Variants in HSPG2 observed in about 807,000 individuals in gnomAD.
The protein encoded by HSPG2 is basement membrane-specific heparan sulfate proteoglycan core protein.
A neutral mutation model predicts 526.6 loss-of-function variants in HSPG2; 278 were observed. That is an observed-to-expected ratio of 0.53 (90% CI 0.48 to 0.58). The LOEUF (loss-of-function observed/expected upper bound fraction) is 0.58. Among genes scored for constraint, HSPG2 ranks in the 20% least tolerant of loss-of-function variants. HSPG2 has a pLI of 0.00. For missense variants in HSPG2, 5,354 were observed against 6,099.5 expected (o/e 0.88, Z 4.07); for synonymous variants, 2,465 against 2,555.4 (o/e 0.96, Z 1.07).
At chr1:21,857,651 T>A in intron 42 of HSPG2, among the ~76,000 whole-genome samples, 1 of 152,038 alleles carries the variant, frequency 6.6e-6, no homozygotes, top group East Asian at 1.9e-4. Flanking sequence ...CAGACCACAA[T>A]GAGCTCCTGA....
In HSPG2 at chr1:21,854,935, T is replaced by C. The variant is rs749489222; in HGVS notation, c.6046A>G (p.Thr2016Ala). Residue 2016 changes from threonine (T) to alanine (A), a missense_variant, in exon 48 of 97, where the codon ACG (threonine) becomes GCG (alanine). Physicochemically the swap from Thr to Ala is moderately conservative, Grantham distance 58. Transcript: ENST00000374695. ...DIATLLIPAI[T>A]TADAGFYLCV... is the part of the protein sequence containing the mutation. ...AGGTAGAAGCCGGCGTCAGCAGTCG[T>C]GATGGCTGGGATGAGCAGTGTCGCG... is the stretch of plus-strand genomic sequence containing the variant. 6.2e-7 allele frequency: 1 copy of C among 1,613,976 alleles called. No homozygotes were observed. The highest frequency in any genetic ancestry group is 1.1e-5 in the South Asian group (1 of 91,082).
At chr1:21,889,927 A>AAGGGGACCCCACGAGTCTGGAGG (rs1342972417) in intron 6 of HSPG2, 54 bp downstream of exon 6, 1 of 1,602,098 alleles carries the variant, frequency 6.2e-7, no homozygotes, top group Non-Finnish European at 8.6e-7. Context: ...GAGACACTGA[A>AAGGGGACCCCACGAGTCTGGAGG]AGGGGACCCC....
intron 3 of HSPG2, among the ~76,000 whole-genome samples, chr1:21,892,346 C>T (rs1273339671): frequency 1.3e-5 from 2 of 152,268 alleles, no homozygotes; most frequent in Non-Finnish European, 2.9e-5. Context: ...CGGCCCAGCG[C>T]GGGCGAGGAG....
chr1:21,874,158 T>C, intron 28 of HSPG2, 147 bp from the exon 29 acceptor site: 1 of 843,298 alleles, frequency 1.2e-6, no homozygotes, highest in Non-Finnish European at 1.9e-6. Context: ...GGCACTGTGC[T>C]AAGAGTTCCA....
At chr1:21,844,368 C>T (rs1638255267) in intron 64 of HSPG2, 69 bp from the exon 65 acceptor site, 3 of 1,523,698 alleles carry the variant, frequency 2.0e-6, no homozygotes, top group South Asian at 1.2e-5. Flanking sequence ...CCCCTGGGGC[C>T]CAGATACTAG....
rs573337895 is a variant in HSPG2, at chr1:21,888,085, C to T, written c.575-19G>A. On this transcript the variant is annotated intron_variant, in intron 6 of 96. Coordinates refer to ENST00000374695, the MANE Select transcript of HSPG2 (RefSeq NM_005529.7). The stretch of plus-strand genomic sequence containing the variant: ...TGGGGCACTGCAGGTGGAAAGGAAG[C>T]AGACTGGAGTCAGAGGCGGCAGGAG... 8.1e-6 allele frequency: 13 copies of T among 1,613,750 alleles called. No individual in the cohort carries two copies. Among genetic ancestry groups the T allele is most frequent in the Non-Finnish European group, 1.0e-5 (12 of 1,180,014 alleles).
Position 21,850,501 on chromosome 1 carries a change from G to A in HSPG2, c.7159-3C>T, listed in dbSNP as rs1638806485. ...AGTCTCAGCAGGGAGCCGTGGGTCT[G>A]GCCAGAATGGGGGTGAGTCAGAGGG... On this transcript the variant is annotated splice_region_variant and splice_polypyrimidine_tract_variant and intron_variant, in intron 55 of 96. Transcript: ENST00000374695. 2 of 1,606,028 alleles carry A rather than the reference G, an allele frequency of 1.2e-6. No homozygotes were observed. Among genetic ancestry groups the A allele is most frequent in the Admixed American group, 1.7e-5 (1 of 59,578 alleles).
rs913952499 is a variant in HSPG2, at chr1:21,900,622, G to A, written c.64-4312C>T. Among the ~76,000 whole-genome samples, 8 of 152,298 alleles carry A rather than the reference G, an allele frequency of 5.3e-5. No individual in the cohort carries two copies. The South Asian group carries it at 1.2e-3, about 24-fold the overall frequency. ...CTACAGGAGTGGGGCACAGAATGGA[G>A]AGAAGGAGGGAGAGGTACAGATACG... On this transcript the variant is annotated intron_variant, in intron 1 of 96. Transcript: ENST00000374695.
At chr1:21,918,936 C>T (rs1042064102) in intron 1 of HSPG2, among the ~76,000 whole-genome samples, 3 of 152,198 alleles carry the variant, frequency 2.0e-5, no homozygotes, top group African/African-American at 4.8e-5. Context: ...TTCCCCTCCC[C>T]ACTGGGCTCC....
chr1:21,895,889 A>C lies in HSPG2; in HGVS notation c.244+33T>G, dbSNP rs765511806. ...CTCTGGGGCTTCCCTGGGGGACAGG[A>C]GGGAGACCTGCAGGAGGCCTGCAGC... On this transcript the variant is annotated intron_variant, in intron 3 of 96. Coordinates refer to ENST00000374695, the MANE Select transcript of HSPG2 (RefSeq NM_005529.7). The surrounding 1 kb of genome is among the most constrained non-coding windows in gnomAD (Gnocchi z 4.1). 4 of 1,609,048 alleles carry C rather than the reference A, an allele frequency of 2.5e-6. No individual in the cohort carries two copies. The highest frequency in any genetic ancestry group is 2.6e-6 in the Non-Finnish European group (3 of 1,175,836).
In HSPG2 at chr1:21,858,755, C is replaced by A. The variant is rs1159049244; in HGVS notation, c.5293+811G>T. Among the ~76,000 whole-genome samples the A allele has an allele frequency of 6.6e-6, 1 of 152,242 alleles. No homozygotes were observed. Among genetic ancestry groups the A allele is most frequent in the Non-Finnish European group, 1.5e-5 (1 of 68,042 alleles). On this transcript the variant is annotated intron_variant, in intron 42 of 96. Coordinates refer to ENST00000374695, the MANE Select transcript of HSPG2 (RefSeq NM_005529.7). The surrounding 1 kb of genome is among the most constrained non-coding windows in gnomAD (Gnocchi z 4.2). ...GGCTTTCTCAGGCCACTGGAGCCCA[C>A]AGTGCACACCCATGGGTGGGACAGA... is the stretch of plus-strand genomic sequence containing the variant.
At chr1:21,901,767 A>C (rs1643114978) in intron 1 of HSPG2, among the ~76,000 whole-genome samples, 1 of 152,090 alleles carries the variant, frequency 6.6e-6, no homozygotes, top group South Asian at 2.1e-4. Context: ...CCCCATCAAA[A>C]TCCAGAGACA....
intron 1 of HSPG2, among the ~76,000 whole-genome samples, chr1:21,896,856 A>G (rs907962010): frequency 6.6e-6 from 1 of 152,350 alleles, no homozygotes; most frequent in African/African-American, 2.4e-5. Flanking sequence ...TCCAGGCTGC[A>G]GGGAACACAT....
Position 21,937,163 on chromosome 1 carries a change from G to T in HSPG2, c.55C>A (p.Leu19Met). 2.0e-6 allele frequency: 2 copies of T among 1,013,228 alleles called. No homozygotes were observed. Among genetic ancestry groups the T allele is most frequent in the South Asian group, 2.8e-5 (1 of 36,210 alleles). 62.8% of individuals were successfully genotyped at this position (1,013,228 alleles called of 1,614,324 possible). The change falls in exon 1 of 97, where the codon CTG becomes ATG. Residue 19 changes from leucine to methionine, a missense_variant. Coordinates refer to ENST00000374695, the MANE Select transcript of HSPG2 (RefSeq NM_005529.7). ...LLLALLLHGR[L>M]LAVTHGLRAY... ...CTGCCCCGCACACTCACCGCCAGCA[G>T]CCGCCCGTGCAGCAGCAGCGCCAGC...
rs376090313 is a variant in HSPG2 at position 21,864,083 on chromosome 1, C to A, written c.4740+17G>T. On this transcript the variant is annotated intron_variant, in intron 37 of 96. Transcript: ENST00000374695. The surrounding 1 kb of genome is among the most constrained non-coding windows in gnomAD (Gnocchi z 4.8). ...CAGCTGAGCTGACCCCCTGTCCTGG[C>A]CTCGCTTGCAGCTCACCGAGCAGGC... The A allele has an allele frequency of 1.6e-5, 25 of 1,541,684 alleles. 1 individual carries two copies. The African/African-American group carries it at 3.2e-4, about 19-fold the overall frequency.
At chr1:21,853,673 G>T (rs556538900) in intron 50 of HSPG2, 6 of 159,756 alleles carry the variant, frequency 3.8e-5, no homozygotes, top group African/African-American at 1.4e-4. Flanking sequence ...TGTGAACCCG[G>T]AAGGCGGAGC....
At chr1:21,860,349 G>A (rs1000508594) in intron 39 of HSPG2, 114 bp from the exon 40 acceptor site, 33 of 941,014 alleles carry the variant, frequency 3.5e-5, no homozygotes, top group East Asian at 2.4e-4. Flanking sequence ...GAGGAGGCTC[G>A]GAGCTCTGGA....
At chr1:21,857,984 T>C (rs1456398558) in intron 42 of HSPG2, among the ~76,000 whole-genome samples, 2 of 152,134 alleles carry the variant, frequency 1.3e-5, no homozygotes, top group Non-Finnish European at 2.9e-5. Context: ...CAGCGTCTCC[T>C]CCTTCTCATG....
rs1047903076 is a variant in HSPG2 at position 21,825,046 on chromosome 1, G to C, written c.12590-267C>G. On this transcript the variant is annotated intron_variant, in intron 91 of 96. Transcript: ENST00000374695. The stretch of plus-strand genomic sequence containing the variant: ...TAGGCAAGAAACCAAAGTAGCAGTG[G>C]TAGGACCTGCAACTTTGTTACTAGT... The C allele has an allele frequency of 1.4e-4, 73 of 518,654 alleles. 2 individuals are homozygous for C. Among genetic ancestry groups the C allele is most frequent in the South Asian group, 2.7e-4 (13 of 48,552 alleles). 32.1% of individuals were successfully genotyped at this position (518,654 alleles called of 1,614,324 possible).
Sources: allele counts gnomAD v4.1 joint callset (sites outside exome capture counted in the v4.1 genomes callset), GRCh38; gene constraint gnomAD v4.1.1; non-coding constraint Gnocchi (gnomAD v3.1); transcripts MANE v1.5; gene names NCBI Gene and HGNC (gene_info 2026-07-23, HGNC 2026-07-21).